GIT1: variants seen among roughly 807,000 people sequenced by gnomAD.
The protein encoded by GIT1 is ARF GTPase-activating protein GIT1.
A neutral mutation model predicts 91.7 loss-of-function variants in GIT1; 14 were observed. That is an observed-to-expected ratio of 0.15 (90% CI 0.10 to 0.24). The LOEUF is 0.24. Ranked by LOEUF, GIT1 falls within the 10% of genes least tolerant of loss-of-function variation. The pLI, the probability that GIT1 is intolerant of heterozygous loss-of-function variation, is 1.00. For missense variants in GIT1, 717 were observed against 1,024.9 expected (o/e 0.70, Z 4.10); for synonymous variants, 414 against 418.2 (o/e 0.99, Z 0.12).
chr17:29,585,233 C>G (rs1383360602), intron 1 of GIT1, among the ~76,000 whole-genome samples: 1 of 152,098 alleles, frequency 6.6e-6, no homozygotes, highest in Non-Finnish European at 1.5e-5. Flanking sequence ...TCTCCCCACT[C>G]CAAACACCAC....
chr17:29,581,097 C>T lies in GIT1; in HGVS notation c.761+241G>A, dbSNP rs1293891095. ...CCCGGCCCACAGGTAGCTTCTCACA[C>T]CCAAGCCCTCCATGTACTTGACAGT... is the stretch of plus-strand genomic sequence containing the variant. On this transcript the variant is annotated intron_variant, in intron 7 of 19. Coordinates refer to ENST00000225394, the MANE Select transcript of GIT1 (RefSeq NM_014030.4). This position sits in a 1 kb window ranked among gnomAD's most constrained non-coding sequence, Gnocchi z 4.8. 2 of 567,878 alleles carry T rather than the reference C, an allele frequency of 3.5e-6. No individual in the cohort carries two copies. Among genetic ancestry groups the T allele is most frequent in the Non-Finnish European group, 6.3e-6 (2 of 315,882 alleles). 35.2% of individuals were successfully genotyped at this position (567,878 alleles called of 1,614,324 possible).
Position 29,578,345 on chromosome 17 carries a change from G to A in GIT1, c.837C>T (p.Leu279=), listed in dbSNP as rs137944259. 82 of 1,614,128 alleles carry A rather than the reference G, an allele frequency of 5.1e-5. No homozygotes were observed. The highest frequency in any genetic ancestry group is 6.2e-5 in the Non-Finnish European group (73 of 1,179,988). ...CCACCTCGTCATACACGTCCATGGC[G>A]AGTTCCTCAAAAAGCCGGTTGCTGA... ...QALSNRLFEE[L]AMDVYDEVDR... is the part of the protein sequence containing the mutation. The change falls in exon 9 of 20, where the codon CTC becomes CTT. Residue 279 remains leucine (L), a synonymous_variant. Transcript: ENST00000225394.
Position 29,576,504 on chromosome 17 carries a change from C to T in GIT1, c.1380+18G>A. On this transcript the variant is annotated intron_variant, in intron 13 of 19. Transcript: ENST00000225394. ...TGGAGTCCTGGGGCTCCCCCTCCCA[C>T]CGAGGCTGCACCCTCACCTCTCGCT... 6.2e-7 allele frequency: 1 copy of T among 1,613,672 alleles called. No individual in the cohort carries two copies. The highest frequency in any genetic ancestry group is 8.5e-7 in the Non-Finnish European group (1 of 1,179,904).
intron 8 of GIT1, 43 bp from the exon 9 acceptor site, chr17:29,578,414 T>C (rs374814681): frequency 6.3e-7 from 1 of 1,575,612 alleles, no homozygotes; most frequent in Non-Finnish European, 8.7e-7. Flanking sequence ...ATGCATCGGC[T>C]CCCAGTGCCA....
At chr17:29,586,735 C>T (rs1475075155) in intron 1 of GIT1, among the ~76,000 whole-genome samples, 1 of 152,178 alleles carries the variant, frequency 6.6e-6, no homozygotes, top group African/African-American at 2.4e-5. Context: ...GAGATAGAAG[C>T]CCATGGGGTG....
intron 10 of GIT1, among the ~76,000 whole-genome samples, 186 bp downstream of exon 10, chr17:29,577,459 C>T (rs1567770789): frequency 2.0e-5 from 3 of 152,172 alleles, no homozygotes; most frequent in South Asian, 2.1e-4. Context: ...GAACACCCAC[C>T]GGAGCTGCTC....
rs751546077 is a variant in GIT1, at chr17:29,576,617, G to A, written c.1285C>T (p.Leu429=). Residue 429 remains leucine (L), a synonymous_variant, in exon 13 of 20, where the codon CTG becomes TTG. Coordinates refer to ENST00000225394, the MANE Select transcript of GIT1 (RefSeq NM_014030.4). ...GAVTLQEYLE[L]KKALATSEAK... ...TCCGATGTAGCCAGGGCCTTCTTCA[G>A]CTCCAGGTACTCCTGCAGCGTCACA... The A allele has an allele frequency of 6.2e-7, 1 of 1,613,900 alleles. No homozygotes were observed. The highest frequency in any genetic ancestry group is 8.5e-7 in the Non-Finnish European group (1 of 1,179,996).
In GIT1 at chr17:29,574,694, G is replaced by A; in HGVS notation, c.*8C>T. 6.2e-7 allele frequency: 1 copy of A among 1,607,058 alleles called. No individual in the cohort carries two copies. The highest frequency in any genetic ancestry group is 1.3e-5 in the African/African-American group (1 of 74,890). On this transcript the variant is annotated 3_prime_UTR_variant, in exon 20 of 20. Coordinates refer to ENST00000225394, the MANE Select transcript of GIT1 (RefSeq NM_014030.4). ...CCTAGGGTGCAGGTGAGGGTGTGGG[G>A]AGAGAGGTCACTGCTTCTTCTCTCG...
Position 29,574,693 on chromosome 17 carries a change from G to C in GIT1, c.*9C>G. On this transcript the variant is annotated 3_prime_UTR_variant, in exon 20 of 20. Transcript: ENST00000225394. ...TCCTAGGGTGCAGGTGAGGGTGTGG[G>C]GAGAGAGGTCACTGCTTCTTCTCTC... 2 of 1,602,440 alleles carry C rather than the reference G, an allele frequency of 1.2e-6. No individual in the cohort carries two copies. Among genetic ancestry groups the C allele is most frequent in the South Asian group, 2.2e-5 (2 of 90,748 alleles).
chr17:29,577,203 G>A lies in GIT1; in HGVS notation c.1026C>T (p.Thr342=). Reference sequence around the variant, plus strand: ...CCTCACTGAGAATGTCGATGATCAAGGTGGCAAACTCTCGGGCATTAAAGC... The same window carrying A: ...CCTCACTGAGAATGTCGATGATCAAAGTGGCAAACTCTCGGGCATTAAAGC... The part of the protein sequence containing the change: ...LARFNAREFA[T]LIIDILSEAK... Residue 342 remains threonine, a synonymous_variant, in exon 11 of 20, where the codon ACC becomes ACT. Transcript: ENST00000225394. 1 of 1,613,980 alleles carries A rather than the reference G, an allele frequency of 6.2e-7. No homozygotes were observed. The highest frequency in any genetic ancestry group is 8.5e-7 in the Non-Finnish European group (1 of 1,180,018).
Position 29,581,302 on chromosome 17 carries a change from A to G in GIT1, c.761+36T>C, listed in dbSNP as rs1161117919. On this transcript the variant is annotated intron_variant, in intron 7 of 19. Transcript: ENST00000225394. This position sits in a 1 kb window ranked among gnomAD's most constrained non-coding sequence, Gnocchi z 4.8. ...GGGTCAGCCACCCACATGGCATCCA[A>G]CAGCCTCTGGAAAGGGGCATCAGGT... 2 of 1,561,900 alleles carry G rather than the reference A, an allele frequency of 1.3e-6. No individual in the cohort carries two copies. Among genetic ancestry groups the G allele is most frequent in the Admixed American group, 1.7e-5 (1 of 59,950 alleles).
At chr17:29,583,400 G>GT in intron 2 of GIT1, 83 bp downstream of exon 2, 1 of 1,444,678 alleles carries the variant, frequency 6.9e-7, no homozygotes, top group South Asian at 1.2e-5. Flanking sequence ...AGATGGGGGT[G>GT]TATGTGGGTG....
Position 29,577,168 on chromosome 17 carries a change from C to T in GIT1, c.1061G>A (p.Arg354Lys). ...IIDILSEAKR[R>K]QQGKSLSSPT... The stretch of plus-strand genomic sequence containing the variant: ...GCTGCTCAGGCTCTTGCCCTGCTGT[C>T]TCCGCTTGGCCTCACTGAGAATGTC... Residue 354 changes from arginine (R) to lysine (K), a missense_variant, in exon 11 of 20, where the codon AGA (arginine) becomes AAA (lysine). Physicochemically the swap from Arg to Lys is conservative, Grantham distance 26. Around this residue, in one of 3 missense-constraint regions of GIT1, gnomAD observed 312 missense variants for 349.5 expected, o/e 0.89. Coordinates refer to ENST00000225394, the MANE Select transcript of GIT1 (RefSeq NM_014030.4). The T allele has an allele frequency of 1.2e-6, 2 of 1,613,984 alleles. No homozygotes were observed. The highest frequency in any genetic ancestry group is 4.5e-5 in the East Asian group (2 of 44,880).
intron 1 of GIT1, among the ~76,000 whole-genome samples, chr17:29,584,727 G>T (rs1483382098): frequency 6.6e-6 from 1 of 152,206 alleles, no homozygotes; most frequent in Admixed American, 6.5e-5. Context: ...AGCGCTCAGG[G>T]TGTTCAGAAG....
rs993476121 is a variant in GIT1 at position 29,578,618 on chromosome 17, G to T, written c.810+113C>A. On this transcript the variant is annotated intron_variant, in intron 8 of 19. Coordinates refer to ENST00000225394, the MANE Select transcript of GIT1 (RefSeq NM_014030.4). The stretch of plus-strand genomic sequence containing the variant: ...ACTGCTGAGGCCAGTGAGGGGACAG[G>T]TCAAAGACTTGGAAAAGGTCATCGA... The T allele has an allele frequency of 5.8e-6, 6 of 1,032,764 alleles. No individual in the cohort carries two copies. In the African/African-American group the frequency reaches 6.3e-5, roughly 11 times the overall value. 64.0% of individuals were successfully genotyped at this position (1,032,764 alleles called of 1,614,324 possible).
Position 29,589,386 on chromosome 17 carries a change from G to T in GIT1, c.-8C>A, listed in dbSNP as rs757272056. The T allele has an allele frequency of 2.8e-6, 3 of 1,054,070 alleles. No homozygotes were observed. The South Asian group carries it at 8.6e-5, about 30-fold the overall frequency. 65.3% of individuals were successfully genotyped at this position (1,054,070 alleles called of 1,614,324 possible). On this transcript the variant is annotated 5_prime_UTR_variant, in exon 1 of 20. Coordinates refer to ENST00000225394, the MANE Select transcript of GIT1 (RefSeq NM_014030.4). This position sits in a 1 kb window ranked among gnomAD's most constrained non-coding sequence, Gnocchi z 5.2. ...CGGCCCCTTTCGGGACATCCTCAGC[G>T]GCGACGCGGCCGCAGCCCTCTGGGC...
Position 29,578,761 on chromosome 17 carries a change from C to T in GIT1, c.780G>A (p.Leu260=). Residue 260 remains leucine, a synonymous_variant, in exon 8 of 20, where the codon TTG becomes TTA. Coordinates refer to ENST00000225394, the MANE Select transcript of GIT1 (RefSeq NM_014030.4). ...GCAGCTTCTTCTTAGCAGCTTTGGC[C>T]AATTCGGATAAGTCAAGGCTGAGGG... ...QMADSLDLSE[L]AKAAKKKLQA... is the part of the protein sequence containing the mutation. The T allele has an allele frequency of 6.2e-7, 1 of 1,614,082 alleles. No individual in the cohort carries two copies. Among genetic ancestry groups the T allele is most frequent in the Non-Finnish European group, 8.5e-7 (1 of 1,179,984 alleles).
rs938712249 is a variant in GIT1, at chr17:29,589,440, G to GGGCGGC, written c.-68_-63dup. 1 of 702,600 alleles carries GGGCGGC rather than the reference G, an allele frequency of 1.4e-6. No individual in the cohort carries two copies. The highest frequency in any genetic ancestry group is 1.7e-6 in the Non-Finnish European group (1 of 574,380). The allele number at this position is 702,600 out of a possible 1,614,324, so 43.5% of individuals were successfully genotyped here. On this transcript the variant is annotated 5_prime_UTR_variant, in exon 1 of 20. Transcript: ENST00000225394. The surrounding 1 kb of genome is among the most constrained non-coding windows in gnomAD (Gnocchi z 5.2). ...CGTGGGGGGCGCGGGCGGCGGGCCC[G>GGGCGGC]GGCGGCGGCGGCGGCCCCTGCTGCC...
Position 29,573,909 on chromosome 17 carries a change from C to G in GIT1, c.*793G>C, listed in dbSNP as rs1300312625. The G allele has an allele frequency of 6.6e-6, 1 of 152,618 alleles. No homozygotes were observed. The highest frequency in any genetic ancestry group is 1.5e-5 in the Non-Finnish European group (1 of 68,186). 9.5% of individuals were successfully genotyped at this position (152,618 alleles called of 1,614,324 possible). ...GAGTGGGGAGGGATCAGGGAGGCAG[C>G]TGGCAGGACCAAAACTGGCTACCCG... is the stretch of plus-strand genomic sequence containing the variant. On this transcript the variant is annotated 3_prime_UTR_variant, in exon 20 of 20. Coordinates refer to ENST00000225394, the MANE Select transcript of GIT1 (RefSeq NM_014030.4).
Sources: allele counts gnomAD v4.1 joint callset (sites outside exome capture counted in the v4.1 genomes callset), GRCh38; gene constraint gnomAD v4.1.1; regional missense constraint gnomAD v4.1.1; non-coding constraint Gnocchi (gnomAD v3.1); transcripts MANE v1.5; gene names NCBI Gene and HGNC (gene_info 2026-07-23, HGNC 2026-07-21).